The following HYCC1 variants were observed in gnomAD, a reference collection of about 807,000 sequenced individuals.
The protein encoded by HYCC1 is hyccin.
chr7:22,917,604 G>A, the HYCC1 span, among the ~76,000 whole-genome samples: 2 of 152,196 alleles, frequency 1.3e-5, no homozygotes, highest in Non-Finnish European at 2.9e-5. Context: ...GGCCTGAAAA[G>A]GCCACTGTGG....
chr7:22,961,122 G>C, the HYCC1 span: 3 of 708,050 alleles, frequency 4.2e-6, no homozygotes, highest in Admixed American at 2.1e-5. Flanking sequence ...ACAAGAGCAT[G>C]AATACACTGA....
the HYCC1 span, chr7:22,976,566 A>T: frequency 1.4e-6 from 1 of 726,110 alleles, no homozygotes; most frequent in Admixed American, 2.1e-5. Context: ...TTTCTCTTGT[A>T]TAAAATGACT....
At chr7:22,997,417 A>C in the HYCC1 span, among the ~76,000 whole-genome samples, 1 of 152,146 alleles carries the variant, frequency 6.6e-6, no homozygotes, top group Non-Finnish European at 1.5e-5. Context: ...AGAGCAACCA[A>C]ATTTCTATAA....
chr7:22,962,051 C>T, the HYCC1 span, among the ~76,000 whole-genome samples: 5 of 150,346 alleles, frequency 3.3e-5, no homozygotes, highest in East Asian at 2.0e-4. Context: ...AACATTGCTC[C>T]CACCATAAAA....
the HYCC1 span, among the ~76,000 whole-genome samples, chr7:22,898,751 C>G: frequency 1.3e-5 from 2 of 151,738 alleles, no homozygotes; most frequent in Non-Finnish European, 2.9e-5. Context: ...TACAGGCGCC[C>G]GCCACCACAC....
At chr7:22,946,488 G>A in the HYCC1 span, among the ~76,000 whole-genome samples, 16,006 of 152,000 alleles carry the variant, frequency 0.11, 1,023 homozygotes, top group South Asian at 0.18. Context: ...AAAACTAGGG[G>A]TGAACTCTCC....
chr7:23,013,927 G>C, the HYCC1 span: 2 of 469,642 alleles, frequency 4.3e-6, no homozygotes, highest in East Asian at 1.4e-4. Context: ...GGACTCACCA[G>C]GGCGGCTGCC....
At chr7:22,947,048 G>C in the HYCC1 span, 87 of 1,550,148 alleles carry the variant, frequency 5.6e-5, no homozygotes, top group Admixed American at 2.2e-4. Flanking sequence ...TTTGCCTCCT[G>C]ATCTCTGGCA....
chr7:22,958,667 A>C, the HYCC1 span, among the ~76,000 whole-genome samples: 1 of 152,086 alleles, frequency 6.6e-6, no homozygotes. Flanking sequence ...ATGTCTGGGA[A>C]ATGGCTTCCA....
At chr7:22,931,781 G>C in the HYCC1 span, among the ~76,000 whole-genome samples, 1 of 152,152 alleles carries the variant, frequency 6.6e-6, no homozygotes, top group Non-Finnish European at 1.5e-5. Context: ...GGTGATTACT[G>C]TTATAAAGTG....
chr7:22,935,365 G>A, the HYCC1 span: 19 of 152,262 alleles, frequency 1.2e-4, no homozygotes, highest in African/African-American at 4.6e-4. Flanking sequence ...CTGATTTCAG[G>A]AATTGGGATG....
chr7:22,970,792 C>T, the HYCC1 span, among the ~76,000 whole-genome samples: 2 of 152,072 alleles, frequency 1.3e-5, no homozygotes, highest in African/African-American at 2.4e-5. Flanking sequence ...AATTTAAATG[C>T]CAAAAAAACA....
chr7:22,918,452 A>G, the HYCC1 span, among the ~76,000 whole-genome samples: 1 of 152,058 alleles, frequency 6.6e-6, no homozygotes, highest in Admixed American at 6.6e-5. Context: ...CCTGGGAAAC[A>G]TGGCCCATTA....
the HYCC1 span, among the ~76,000 whole-genome samples, chr7:22,948,125 G>A: frequency 4.6e-5 from 7 of 152,164 alleles, no homozygotes; most frequent in South Asian, 6.2e-4. Context: ...ATGTTACAAG[G>A]AGTTATTCAT....
At chr7:23,014,075 T>C in the HYCC1 span, 1 of 469,748 alleles carries the variant, frequency 2.1e-6, no homozygotes, top group Admixed American at 2.4e-5. Context: ...ATCTTCCCCC[T>C]CCTCTCACTG....
chr7:22,988,393 A>C, the HYCC1 span, among the ~76,000 whole-genome samples: 1 of 152,208 alleles, frequency 6.6e-6, no homozygotes, highest in African/African-American at 2.4e-5. Context: ...GCTTGCATTA[A>C]ATTTATGAAA....
chr7:22,899,590 G>A, the HYCC1 span, among the ~76,000 whole-genome samples: 1 of 152,076 alleles, frequency 6.6e-6, no homozygotes, highest in African/African-American at 2.4e-5. Context: ...GAAGAAAGTG[G>A]GCAATGTGCT....
At chr7:22,980,160 T>C in the HYCC1 span, among the ~76,000 whole-genome samples, 1 of 152,092 alleles carries the variant, frequency 6.6e-6, no homozygotes, top group Non-Finnish European at 1.5e-5. Flanking sequence ...TAAAATGATA[T>C]ACAGTGTGGG....
the HYCC1 span, among the ~76,000 whole-genome samples, chr7:22,980,024 C>T: frequency 3.3e-5 from 5 of 152,136 alleles, no homozygotes; most frequent in African/African-American, 9.7e-5. Context: ...TCCACACTTT[C>T]CACAGAAGGA....
Sources: gnomAD v4.1 joint callset for allele counts (sites outside exome capture counted in the v4.1 genomes callset) on GRCh38, gnomAD v4.1.1 for gene constraint, MANE v1.5 for transcripts, NCBI Gene and HGNC (gene_info 2026-07-23, HGNC 2026-07-21) for gene names.